Variants in PDGFD observed in about 807,000 individuals in gnomAD.
The protein encoded by PDGFD is platelet-derived growth factor D.
Under a neutral mutation model 44.7 loss-of-function variants are expected in PDGFD, and 30 were observed. The observed-to-expected ratio is 0.67, with a 90% CI of 0.50 to 0.91. The LOEUF (loss-of-function observed/expected upper bound fraction) is 0.91. Ranked by LOEUF, PDGFD falls within the 40% of genes least tolerant of loss-of-function variation. The pLI is 0.00. For synonymous variants in PDGFD, 173 were observed against 168.4 expected (o/e 1.03, Z -0.21); for missense variants, 445 against 457.8 (o/e 0.97, Z 0.25).
chr11:103,925,862 G>C (rs1004829511), intron 6 of PDGFD, among the ~76,000 whole-genome samples: 3 of 151,460 alleles, frequency 2.0e-5, no homozygotes, highest in African/African-American at 4.9e-5. Flanking sequence ...CTGAGTAGCT[G>C]GGATTACAGG....
intron 1 of PDGFD, among the ~76,000 whole-genome samples, chr11:104,021,797 A>G (rs1040439441): frequency 4.7e-4 from 72 of 152,162 alleles, no homozygotes; most frequent in African/African-American, 1.7e-3. Flanking sequence ...TCACATTAGA[A>G]CAGCACCTTC....
chr11:104,065,571 A>G (rs1860778201), intron 1 of PDGFD, among the ~76,000 whole-genome samples: 1 of 152,258 alleles, frequency 6.6e-6, no homozygotes, highest in African/African-American at 2.4e-5. Context: ...TTCTTAAAAT[A>G]GAATTGGCTT....
intron 1 of PDGFD, among the ~76,000 whole-genome samples, chr11:104,028,614 G>A (rs1181393821): frequency 1.3e-5 from 2 of 150,472 alleles, no homozygotes; most frequent in African/African-American, 4.9e-5. Flanking sequence ...TGTGTAAACA[G>A]TAATTTACAA....
intron 1 of PDGFD, among the ~76,000 whole-genome samples, chr11:104,096,670 TA>T (rs1213744140): frequency 2.6e-5 from 4 of 152,146 alleles, no homozygotes; most frequent in Non-Finnish European, 4.4e-5. Flanking sequence ...GTTTCTGGAA[TA>T]ACTGACTAAG....
intron 1 of PDGFD, among the ~76,000 whole-genome samples, chr11:104,017,451 A>G (rs888832480): frequency 6.6e-6 from 1 of 152,114 alleles, no homozygotes; most frequent in African/African-American, 2.4e-5. Context: ...GTCACAGCCC[A>G]TGTTTTAGTC....
chr11:104,083,022 A>C (rs1861069176), intron 1 of PDGFD, among the ~76,000 whole-genome samples: 1 of 152,168 alleles, frequency 6.6e-6, no homozygotes, highest in Non-Finnish European at 1.5e-5. Flanking sequence ...TTACTGCGAA[A>C]ATCTTCAAAA....
At chr11:103,960,015 G>T (rs1858912236) in intron 3 of PDGFD, among the ~76,000 whole-genome samples, 1 of 152,120 alleles carries the variant, frequency 6.6e-6, no homozygotes. Context: ...TATTACACTA[G>T]CAATATTCAT....
chr11:103,974,375 C>A (rs1859151108), intron 3 of PDGFD, among the ~76,000 whole-genome samples: 1 of 152,180 alleles, frequency 6.6e-6, no homozygotes, highest in East Asian at 1.9e-4. Flanking sequence ...GAAGCAAATT[C>A]TGTCCAACCC....
intron 3 of PDGFD, among the ~76,000 whole-genome samples, chr11:103,979,713 T>C (rs1859238287): frequency 1.3e-5 from 2 of 152,124 alleles, no homozygotes; most frequent in Non-Finnish European, 2.9e-5. Context: ...GTCAGGTTTG[T>C]AGATAATTCT....
chr11:104,052,955 G>A (rs184731874), intron 1 of PDGFD, among the ~76,000 whole-genome samples: 268 of 152,056 alleles, frequency 1.8e-3, no homozygotes, highest in Middle Eastern at 6.8e-3. Context: ...TTCACTGTCC[G>A]AGACACAGTA....
intron 1 of PDGFD, among the ~76,000 whole-genome samples, chr11:104,019,824 AAT>A (rs149987511): frequency 0.097 from 14,774 of 152,128 alleles, 810 homozygotes; most frequent in African/African-American, 0.16. Flanking sequence ...AACTTTTAAA[AAT>A]AAAAATGTGT....
chr11:104,096,617 C>A (rs1861292413), intron 1 of PDGFD, among the ~76,000 whole-genome samples: 1 of 152,150 alleles, frequency 6.6e-6, no homozygotes, highest in African/African-American at 2.4e-5. Context: ...TACATACAAT[C>A]ATTCTAAGAG....
Position 104,119,098 on chromosome 11 carries a change from T to TATGTTA in PDGFD, c.124+44705_124+44706insTAACAT, listed in dbSNP as rs1565340500. ...TATAATATATAATATATTGATATAA[T>TATGTTA]ATATAATATATTAATATAATATATT... On this transcript the variant is annotated intron_variant, in intron 1 of 6. Coordinates refer to ENST00000393158, the MANE Select transcript of PDGFD (RefSeq NM_025208.5). Among the ~76,000 whole-genome samples the TATGTTA allele has an allele frequency of 3.7e-4, 20 of 53,746 alleles. 2 individuals carry two copies. Among genetic ancestry groups the TATGTTA allele is most frequent in the East Asian group, 1.1e-3 (2 of 1,782 alleles). The allele number at this position is 53,746 out of a possible 152,430, so 35.3% of individuals were successfully genotyped here. A position where few individuals can be genotyped will look rare whatever the true frequency, so the allele number is the denominator to read the frequency against.
intron 1 of PDGFD, among the ~76,000 whole-genome samples, chr11:104,117,854 A>G (rs1232538886): frequency 6.6e-6 from 1 of 151,950 alleles, no homozygotes; most frequent in Non-Finnish European, 1.5e-5. Context: ...AAATACCACC[A>G]TCATTCTTCA....
Position 103,908,968 on chromosome 11 carries a change from T to C in PDGFD, c.*726A>G, listed in dbSNP as rs567953626. The C allele has an allele frequency of 6.6e-6, 1 of 152,340 alleles. No homozygotes were observed. Among genetic ancestry groups the C allele is most frequent in the East Asian group, 1.9e-4 (1 of 5,182 alleles). 9.4% of individuals were successfully genotyped at this position (152,340 alleles called of 1,614,324 possible). ...GTAAGTTTTTGAGATAGGTGTTAAA[T>C]GAATAAGCATGCCTCAGCAAAATGC... On this transcript the variant is annotated 3_prime_UTR_variant, in exon 7 of 7. Coordinates refer to ENST00000393158, the MANE Select transcript of PDGFD (RefSeq NM_025208.5).
chr11:103,994,717 A>G (rs1859509826), intron 3 of PDGFD, among the ~76,000 whole-genome samples: 1 of 152,146 alleles, frequency 6.6e-6, no homozygotes, highest in African/African-American at 2.4e-5. Flanking sequence ...AAACCGAAAG[A>G]AAGTGAAAAT....
chr11:103,920,643 C>A (rs1210600282), intron 6 of PDGFD, among the ~76,000 whole-genome samples: 1 of 152,206 alleles, frequency 6.6e-6, no homozygotes, highest in Non-Finnish European at 1.5e-5. Flanking sequence ...GAAATGTAAT[C>A]AGAACTGAGA....
At chr11:104,158,159 C>G (rs988280144) in intron 1 of PDGFD, among the ~76,000 whole-genome samples, 2 of 152,224 alleles carry the variant, frequency 1.3e-5, no homozygotes, top group African/African-American at 4.8e-5. Flanking sequence ...GCATATCACA[C>G]TCTTTAGAAC....
chr11:104,047,750 G>A (rs1031945618), intron 1 of PDGFD, among the ~76,000 whole-genome samples: 1 of 151,022 alleles, frequency 6.6e-6, no homozygotes, highest in African/African-American at 2.4e-5. Flanking sequence ...AACTTTCCAT[G>A]GTTTTATGAA....
Sources: gnomAD v4.1 joint callset for allele counts (sites outside exome capture counted in the v4.1 genomes callset) on GRCh38, gnomAD v4.1.1 for gene constraint, MANE v1.5 for transcripts, NCBI Gene and HGNC (gene_info 2026-07-23, HGNC 2026-07-21) for gene names.